Variants in GRIA1 observed in about 807,000 individuals in gnomAD.
The protein encoded by GRIA1 is glutamate ionotropic receptor AMPA type subunit 1, also known as glutamate receptor 1.
A neutral mutation model predicts 99.2 loss-of-function variants in GRIA1; 31 were observed. The observed-to-expected ratio is 0.31, with a 90% CI of 0.23 to 0.42. GRIA1 has a LOEUF of 0.42. Ranked by LOEUF, GRIA1 falls within the 10% of genes least tolerant of loss-of-function variation. The pLI is 1.00. For missense variants in GRIA1, 782 were observed against 1,157.5 expected, an observed-to-expected ratio of 0.68 and a Z score of 4.71; for synonymous variants, 438 against 432.4, an observed-to-expected ratio of 1.01 and a Z score of -0.16.
Position 153,794,657 on chromosome 5 carries a change from G to T in GRIA1, c.2307G>T (p.Glu769Asp). The T allele has an allele frequency of 6.2e-7, 1 of 1,613,628 alleles. No homozygotes were observed. The highest frequency in any genetic ancestry group is 8.5e-7 in the Non-Finnish European group (1 of 1,179,634). ...ACCTGGCAGTGTTAAAACTGAACGA[G>T]CAGGGGCTTTTGGACAAATTGAAAA... is the stretch of plus-strand genomic sequence containing the variant. ...PVNLAVLKLN[E>D]QGLLDKLKNK... The change falls in exon 14 of 16, where the codon GAG becomes GAT. Residue 769 changes from glutamate to aspartate, a missense_variant. Physicochemically the swap from Glu to Asp is conservative, Grantham distance 45 (BLOSUM62 2). Transcript: ENST00000285900.
chr5:153,628,271 T>C (rs1243384039), intron 2 of GRIA1, among the ~76,000 whole-genome samples: 1 of 151,700 alleles, frequency 6.6e-6, no homozygotes, highest in African/African-American at 2.4e-5. Context: ...CACAGGGGAG[T>C]TGGTGTAAAG....
chr5:153,566,528 A>C (rs1761644090), intron 2 of GRIA1, among the ~76,000 whole-genome samples: 1 of 149,028 alleles, frequency 6.7e-6, no homozygotes, highest in African/African-American at 2.5e-5. Flanking sequence ...TTGGTCTCGA[A>C]CTCCTGACCT....
intron 10 of GRIA1, among the ~76,000 whole-genome samples, chr5:153,702,218 TGC>T (rs1758579759): frequency 6.6e-6 from 1 of 152,246 alleles, no homozygotes; most frequent in Non-Finnish European, 1.5e-5. Flanking sequence ...CATTTGCAGA[TGC>T]CATATGCTGC....
intron 2 of GRIA1, among the ~76,000 whole-genome samples, chr5:153,646,026 T>C (rs1019857649): frequency 2.6e-5 from 4 of 152,178 alleles, no homozygotes; most frequent in African/African-American, 7.2e-5. Flanking sequence ...CTATATCATA[T>C]AGTAAAACAA....
chr5:153,759,769 C>T (rs1290074957), intron 11 of GRIA1, among the ~76,000 whole-genome samples: 9 of 151,978 alleles, frequency 5.9e-5, no homozygotes, highest in Non-Finnish European at 8.8e-5. Context: ...GCTAATATCC[C>T]TGATAAACAT....
intron 11 of GRIA1, among the ~76,000 whole-genome samples, chr5:153,723,643 A>G (rs1581539389): frequency 1.3e-5 from 2 of 152,270 alleles, no homozygotes; most frequent in Middle Eastern, 6.8e-3. Context: ...GCTGATTGCT[A>G]GCACAGCAGT....
chr5:153,618,716 A>C (rs1363604120), intron 2 of GRIA1, among the ~76,000 whole-genome samples: 2 of 152,204 alleles, frequency 1.3e-5, no homozygotes, highest in African/African-American at 2.4e-5. Context: ...CAGTTATTCT[A>C]TGCCTGCTAT....
intron 2 of GRIA1, among the ~76,000 whole-genome samples, chr5:153,637,642 G>A (rs533011773): frequency 1.3e-5 from 2 of 152,282 alleles, no homozygotes; most frequent in East Asian, 3.9e-4. Flanking sequence ...GGGAGAAACG[G>A]CTGAGGAGAC....
At chr5:153,618,515 A>G (rs1222404264) in intron 2 of GRIA1, among the ~76,000 whole-genome samples, 1 of 152,118 alleles carries the variant, frequency 6.6e-6, no homozygotes, top group African/African-American at 2.4e-5. Context: ...GGAGTGGGCA[A>G]TGCCTGCTGA....
intron 5 of GRIA1, among the ~76,000 whole-genome samples, 176 bp downstream of exon 5, chr5:153,656,048 C>T (rs1561735372): frequency 6.6e-6 from 1 of 152,092 alleles, no homozygotes. Context: ...CTCATCAAAC[C>T]ACAACACACT....
upstream of GRIA1, chr5:153,489,756 T>G: frequency 1.3e-5 from 6 of 456,430 alleles, no homozygotes; most frequent in South Asian, 9.3e-5. Context: ...ACACCAGACA[T>G]GACCAGCATC....
chr5:153,666,882 C>G (rs1381175934), intron 5 of GRIA1, among the ~76,000 whole-genome samples: 6 of 152,142 alleles, frequency 3.9e-5, no homozygotes, highest in African/African-American at 1.4e-4. Flanking sequence ...GTTCCAGAGC[C>G]TCAGAGAACA....
chr5:153,686,805 T>C (rs570938883), intron 8 of GRIA1, among the ~76,000 whole-genome samples: 1 of 152,322 alleles, frequency 6.6e-6, no homozygotes, highest in African/African-American at 2.4e-5. Flanking sequence ...TAATGTATAA[T>C]ATGTTTGCAT....
intron 5 of GRIA1, among the ~76,000 whole-genome samples, chr5:153,666,755 A>G (rs1755773724): frequency 6.6e-6 from 1 of 152,142 alleles, no homozygotes; most frequent in African/African-American, 2.4e-5. Context: ...CAAATAAAGT[A>G]CTTAGCACAG....
chr5:153,600,748 G>A (rs1195813539), intron 2 of GRIA1, among the ~76,000 whole-genome samples: 3 of 152,188 alleles, frequency 2.0e-5, no homozygotes, highest in Non-Finnish European at 4.4e-5. Flanking sequence ...GCTAAAAATT[G>A]ATTTCAGAGT....
chr5:153,810,259 A>T (rs1766725505), intron 15 of GRIA1, among the ~76,000 whole-genome samples: 1 of 152,220 alleles, frequency 6.6e-6, no homozygotes, highest in Non-Finnish European at 1.5e-5. Flanking sequence ...CAGGGTCTAC[A>T]TGCTGATGGG....
At chr5:153,664,718 A>T (rs971030071) in intron 5 of GRIA1, among the ~76,000 whole-genome samples, 2 of 152,130 alleles carry the variant, frequency 1.3e-5, no homozygotes, top group African/African-American at 2.4e-5. Context: ...AGTGTTAAGC[A>T]CTCATGAGTG....
intron 2 of GRIA1, among the ~76,000 whole-genome samples, chr5:153,585,299 CTTTTTTTTTTTT>C (rs10586598): frequency 2.9e-5 from 2 of 70,100 alleles, no homozygotes; most frequent in Non-Finnish European, 4.8e-5. Flanking sequence ...TTCTCTCTCT[CTTTTTTTTTTTT>C]TTTTTTTTTT....
intron 2 of GRIA1, among the ~76,000 whole-genome samples, chr5:153,582,511 T>C (rs1763130082): frequency 6.6e-6 from 1 of 152,186 alleles, no homozygotes; most frequent in Non-Finnish European, 1.5e-5. Context: ...GATAGATGTC[T>C]CAGCACCACC....
Sources: allele counts gnomAD v4.1 joint callset (sites outside exome capture counted in the v4.1 genomes callset), GRCh38; gene constraint gnomAD v4.1.1; transcripts MANE v1.5; gene names NCBI Gene and HGNC (gene_info 2026-07-23, HGNC 2026-07-21).